DIAPH2: variants seen among roughly 807,000 people sequenced by gnomAD.
DIAPH2 encodes the protein protein diaphanous homolog 2.
Under a neutral mutation model 92.7 loss-of-function variants are expected in DIAPH2, and 35 were observed. The ratio of observed to expected loss-of-function variants is 0.38; its 90% confidence interval spans 0.29 to 0.50. DIAPH2 has a LOEUF of 0.50. Ranked by LOEUF, DIAPH2 falls within the 20% of genes least tolerant of loss-of-function variation. The pLI, the probability that DIAPH2 is intolerant of heterozygous loss-of-function variation, is 0.94. For synonymous variants in DIAPH2, 301 were observed against 280.4 expected, an observed-to-expected ratio of 1.07 and a Z score of -0.73; for missense variants, 701 against 819.5, an observed-to-expected ratio of 0.86 and a Z score of 1.77.
intron 23 of DIAPH2, among the ~76,000 whole-genome samples, chrX:97,328,736 ATAAT>A (rs969638314): frequency 9.0e-6 from 1 of 111,692 alleles, no homozygotes; most frequent in East Asian, 2.8e-4. Flanking sequence ...AAATATATAA[ATAAT>A]TTATTAATTT....
chrX:96,685,855 C>G (rs2063768188), intron 1 of DIAPH2, among the ~76,000 whole-genome samples: 1 of 111,871 alleles, frequency 8.9e-6, no homozygotes, highest in African/African-American at 3.3e-5. Context: ...TCATACAGTA[C>G]TTCCACTTAG....
At chrX:96,884,318 A>G in intron 5 of DIAPH2, 1 of 1,208,358 alleles carries the variant, frequency 8.3e-7, no homozygotes, top group Non-Finnish European at 1.1e-6. Flanking sequence ...AAGATGAGTA[A>G]GAGTGGGTTT....
intron 9 of DIAPH2, 67 bp downstream of exon 9, chrX:96,918,684 A>T: frequency 1.3e-6 from 1 of 776,357 alleles, no homozygotes; most frequent in Non-Finnish European, 1.9e-6. Context: ...TATGACATCA[A>T]CTCCATTTTA....
At chrX:97,452,627 T>G (rs1490534638) in intron 26 of DIAPH2, among the ~76,000 whole-genome samples, 1 of 112,123 alleles carries the variant, frequency 8.9e-6, no homozygotes, top group Non-Finnish European at 1.9e-5. Context: ...GATACACTTA[T>G]AGAATTACAA....
In DIAPH2 at chrX:96,722,218, G is replaced by A. The variant is rs189800154; in HGVS notation, c.133-13540G>A. Among the ~76,000 whole-genome samples the A allele has an allele frequency of 1.4e-4, 15 of 110,485 alleles. No individual in the cohort carries two copies. The East Asian group carries it at 4.0e-3, about 29-fold the overall frequency. On this transcript the variant is annotated intron_variant, in intron 1 of 26. Transcript: ENST00000324765. Reference sequence around the variant, plus strand: ...TAAAAGTACAAAAAATTAGCCGGGCGTGGTGGTGGGCGCCTGTGATCTCAG... The same window carrying A: ...TAAAAGTACAAAAAATTAGCCGGGCATGGTGGTGGGCGCCTGTGATCTCAG...
At chrX:97,082,307 A>G (rs1002605263) in intron 19 of DIAPH2, among the ~76,000 whole-genome samples, 8 of 108,665 alleles carry the variant, frequency 7.4e-5, no homozygotes, top group Non-Finnish European at 1.1e-4. Flanking sequence ...TCAGGGTAGA[A>G]CAGGAATTTC....
rs368205747 is a variant in DIAPH2 at position 96,962,286 on chromosome X, C to CAT, written c.1936-2795_1936-2794dup. ...CTATATATATATACATATATATATACATATATATATATACATATATATATA... is the reference window on the plus strand; with the variant it reads ...CTATATATATATACATATATATATACATATATATATATATACATATATATATA... On this transcript the variant is annotated intron_variant, in intron 16 of 26. Transcript: ENST00000324765. Among the ~76,000 whole-genome samples, 158 of 59,754 alleles carry CAT rather than the reference C, an allele frequency of 2.6e-3. 9 individuals are homozygous for CAT. The highest frequency in any genetic ancestry group is 8.5e-3 in the African/African-American group (135 of 15,876). 51.9% of individuals were successfully genotyped at this position (59,754 alleles called of 115,157 possible). A position where few individuals can be genotyped will look rare whatever the true frequency, so the allele number is the denominator to read the frequency against.
chrX:97,159,597 A>C (rs1049957577), intron 22 of DIAPH2, among the ~76,000 whole-genome samples: 2 of 111,970 alleles, frequency 1.8e-5, no homozygotes, highest in Non-Finnish European at 3.8e-5. Context: ...AGTGTGTGCC[A>C]CGAGGATTGA....
chrX:97,352,596 T>A (rs1044731350), intron 24 of DIAPH2, among the ~76,000 whole-genome samples: 1 of 109,263 alleles, frequency 9.2e-6, no homozygotes. Flanking sequence ...CAGGCCAGGC[T>A]CAGTGGCTCA....
At chrX:97,001,504 G>C (rs1166602629) in intron 17 of DIAPH2, among the ~76,000 whole-genome samples, 2 of 110,721 alleles carry the variant, frequency 1.8e-5, no homozygotes, top group Non-Finnish European at 3.8e-5. Flanking sequence ...AAATTAGCCA[G>C]GCGTGGTAGC....
intron 23 of DIAPH2, among the ~76,000 whole-genome samples, chrX:97,298,781 AT>A (rs1035214122): frequency 9.2e-6 from 1 of 108,120 alleles, no homozygotes. Context: ...CGCCCAGCTA[AT>A]TTTTTTTTGT....
intron 22 of DIAPH2, among the ~76,000 whole-genome samples, chrX:97,195,052 T>G (rs1055188022): frequency 8.9e-6 from 1 of 111,930 alleles, no homozygotes; most frequent in Non-Finnish European, 1.9e-5. Context: ...GGCTATTGTT[T>G]AGTCTTAGGA....
chrX:97,150,856 C>T (rs1207363509), intron 22 of DIAPH2, among the ~76,000 whole-genome samples: 1 of 111,560 alleles, frequency 9.0e-6, no homozygotes, highest in Non-Finnish European at 1.9e-5. Flanking sequence ...AACACAGTGT[C>T]GGCATAATAA....
chrX:97,153,083 C>G (rs959074957), intron 22 of DIAPH2, among the ~76,000 whole-genome samples: 2 of 111,463 alleles, frequency 1.8e-5, no homozygotes, highest in African/African-American at 6.5e-5. Flanking sequence ...CTCATTTGTA[C>G]AAAAATTTTC....
chrX:97,168,012 T>G (rs1023847524), intron 22 of DIAPH2, among the ~76,000 whole-genome samples: 1 of 111,710 alleles, frequency 9.0e-6, no homozygotes, highest in African/African-American at 3.3e-5. Flanking sequence ...TTAGAAACAG[T>G]TGTGGCTAGT....
chrX:97,109,696 C>T (rs2147373390), intron 20 of DIAPH2, among the ~76,000 whole-genome samples: 1 of 111,755 alleles, frequency 8.9e-6, no homozygotes, highest in Admixed American at 9.5e-5. Flanking sequence ...CTTCCTCTTT[C>T]CCCACATCAG....
intron 4 of DIAPH2, among the ~76,000 whole-genome samples, chrX:96,875,736 C>G (rs946052477): frequency 9.1e-6 from 1 of 109,508 alleles, no homozygotes; most frequent in African/African-American, 3.3e-5. Context: ...TATCTTTTAC[C>G]CTACATTTTT....
At chrX:97,280,550 T>A (rs1223898362) in intron 23 of DIAPH2, among the ~76,000 whole-genome samples, 2 of 111,310 alleles carry the variant, frequency 1.8e-5, no homozygotes, top group Middle Eastern at 4.2e-3. Context: ...TCAGTCAAGG[T>A]TAAAATATTT....
chrX:96,783,411 G>A (rs956225391), intron 4 of DIAPH2, among the ~76,000 whole-genome samples: 6 of 112,361 alleles, frequency 5.3e-5, no homozygotes, highest in Non-Finnish European at 1.1e-4. Context: ...GAACATGATC[G>A]TTCATAGTGG....
Sources: allele counts gnomAD v4.1 joint callset (sites outside exome capture counted in the v4.1 genomes callset), GRCh38; gene constraint gnomAD v4.1.1; transcripts MANE v1.5; gene names NCBI Gene and HGNC (gene_info 2026-07-23, HGNC 2026-07-21).